Variants in VTI1A observed in about 807,000 individuals in gnomAD.
The protein encoded by VTI1A is vesicle transport through interaction with t-SNAREs homolog 1A.
In VTI1A, 22 loss-of-function variants were observed where a neutral mutation model predicts 34.9. The ratio of observed to expected loss-of-function variants is 0.63; its 90% CI spans 0.45 to 0.90. The LOEUF is 0.90. Ranked by LOEUF, VTI1A falls within the 40% of genes least tolerant of loss-of-function variation. The probability of loss-of-function intolerance (pLI) is 0.00; values close to 1 mark genes in which losing one functional copy is unlikely to be tolerated. For missense variants in VTI1A, 268 were observed against 275.6 expected (o/e 0.97, Z 0.20); for synonymous variants, 87 against 97.3 (o/e 0.89, Z 0.62).
the VTI1A span, among the ~76,000 whole-genome samples, chr10:112,847,617 C>T: frequency 6.6e-6 from 1 of 152,188 alleles, no homozygotes; most frequent in Non-Finnish European, 1.5e-5. Context: ...GCTCTAAAGG[C>T]TACATTCTAC....
intron 7 of VTI1A, among the ~76,000 whole-genome samples, chr10:112,795,952 T>C (rs1473131993): frequency 6.6e-6 from 1 of 152,208 alleles, no homozygotes. Flanking sequence ...CTTCCAGTTC[T>C]TTTTCTTTCT....
chr10:112,460,458 T>G, intron 1 of VTI1A, 66 bp from the exon 2 acceptor site: 2 of 1,420,294 alleles, frequency 1.4e-6, no homozygotes, highest in East Asian at 5.0e-5. Flanking sequence ...ATATAAAAAT[T>G]GAAGTTTTAA....
At chr10:112,787,623 T>A (rs934896732) in intron 7 of VTI1A, among the ~76,000 whole-genome samples, 6 of 152,028 alleles carry the variant, frequency 3.9e-5, no homozygotes, top group Non-Finnish European at 5.9e-5. Context: ...GATTCATGCA[T>A]TCTTTAGAAA....
At chr10:112,458,299 T>C (rs754256425) in intron 1 of VTI1A, among the ~76,000 whole-genome samples, 121 of 152,174 alleles carry the variant, frequency 8.0e-4, no homozygotes, top group Non-Finnish European at 1.6e-3. Flanking sequence ...GATAAGCCTG[T>C]CTTATTTTGT....
chr10:112,612,697 T>C (rs755115375), intron 5 of VTI1A, among the ~76,000 whole-genome samples: 4 of 152,198 alleles, frequency 2.6e-5, no homozygotes, highest in Non-Finnish European at 5.9e-5. Context: ...GCACTGGGAT[T>C]ATAGGCATGA....
chr10:112,704,469 A>T (rs1409931195), intron 7 of VTI1A, among the ~76,000 whole-genome samples: 1 of 152,198 alleles, frequency 6.6e-6, no homozygotes, highest in African/African-American at 2.4e-5. Context: ...TTTCACCAAG[A>T]CATAGGCATT....
At chr10:112,850,090 G>A in the VTI1A span, among the ~76,000 whole-genome samples, 1 of 152,200 alleles carries the variant, frequency 6.6e-6, no homozygotes, top group African/African-American at 2.4e-5. Context: ...TTTATAAAGA[G>A]TTGGGAGGGT....
At position 112,817,130 on chromosome 10, in the gene VTI1A, A is replaced by G. The variant is rs765744567; in HGVS notation, c.*1747A>G. The stretch of plus-strand genomic sequence containing the variant: ...TGACCACATCTAAGAACCATTAAAA[A>G]GCAAGGAAACAAACAAACAACCCTT... On this transcript the variant is annotated 3_prime_UTR_variant, in exon 8 of 8. Coordinates refer to ENST00000393077, the MANE Select transcript of VTI1A (RefSeq NM_145206.4). 6.4e-5 allele frequency: 15 copies of G among 232,734 alleles called. No homozygotes were observed. The highest frequency in any genetic ancestry group is 1.2e-4 in the Non-Finnish European group (14 of 117,760). The allele number at this position is 232,734 out of a possible 1,614,324, so 14.4% of individuals were successfully genotyped here. A position where few individuals can be genotyped will look rare whatever the true frequency, so the allele number is the denominator to read the frequency against.
At chr10:112,581,679 A>T (rs996446226) in intron 5 of VTI1A, among the ~76,000 whole-genome samples, 2 of 152,198 alleles carry the variant, frequency 1.3e-5, no homozygotes, top group Non-Finnish European at 1.5e-5. Context: ...GTTTATAGAG[A>T]TCTATAGATC....
chr10:112,476,064 T>C (rs939647778), intron 3 of VTI1A, among the ~76,000 whole-genome samples: 6 of 152,222 alleles, frequency 3.9e-5, no homozygotes, highest in African/African-American at 1.4e-4. Flanking sequence ...TCCATTCTTT[T>C]GATGTACAGT....
the VTI1A span, among the ~76,000 whole-genome samples, chr10:112,844,869 T>G: frequency 6.6e-6 from 1 of 152,198 alleles, no homozygotes; most frequent in Non-Finnish European, 1.5e-5. Context: ...CTGCGATGAC[T>G]GGACAGTTTT....
intron 3 of VTI1A, among the ~76,000 whole-genome samples, chr10:112,501,441 T>C (rs1302714219): frequency 2.0e-5 from 3 of 152,198 alleles, no homozygotes; most frequent in Non-Finnish European, 4.4e-5. Flanking sequence ...GTAAATTCTT[T>C]GTTAAAATTC....
intron 5 of VTI1A, among the ~76,000 whole-genome samples, chr10:112,544,582 C>T (rs141207234): frequency 4.6e-5 from 7 of 151,722 alleles, no homozygotes; most frequent in African/African-American, 1.5e-4. Flanking sequence ...AGAGTAACGG[C>T]ACCAGCCTGC....
intron 5 of VTI1A, among the ~76,000 whole-genome samples, chr10:112,654,391 T>C (rs1309969677): frequency 6.6e-6 from 1 of 152,228 alleles, no homozygotes; most frequent in African/African-American, 2.4e-5. Flanking sequence ...TTAGATCTTT[T>C]ACCACGCATA....
chr10:112,634,186 A>C (rs1043066196), intron 5 of VTI1A: 2 of 154,588 alleles, frequency 1.3e-5, no homozygotes, highest in East Asian at 3.9e-4. Context: ...GGAACAGTGC[A>C]ATGTTTTCCT....
chr10:112,590,521 C>T (rs1284411583), intron 5 of VTI1A, among the ~76,000 whole-genome samples: 1 of 151,518 alleles, frequency 6.6e-6, no homozygotes, highest in Non-Finnish European at 1.5e-5. Flanking sequence ...GGTGAGACCC[C>T]TTCTTAAAAT....
At chr10:112,805,450 G>T (rs1469559909) in intron 7 of VTI1A, among the ~76,000 whole-genome samples, 7 of 152,212 alleles carry the variant, frequency 4.6e-5, no homozygotes, top group Admixed American at 1.3e-4. Context: ...TTGAGTAGTT[G>T]TGACAGACTG....
At chr10:112,648,519 C>A (rs1846890721) in intron 5 of VTI1A, among the ~76,000 whole-genome samples, 7 of 152,096 alleles carry the variant, frequency 4.6e-5, no homozygotes. Flanking sequence ...TTAGGGTTAA[C>A]CAACAATGAA....
chr10:112,570,933 T>G (rs199780037), intron 5 of VTI1A, among the ~76,000 whole-genome samples: 1 of 152,244 alleles, frequency 6.6e-6, no homozygotes, highest in East Asian at 1.9e-4. Context: ...CATAGATTAT[T>G]TCATTTAATA....
Sources: gnomAD v4.1 joint callset for allele counts (sites outside exome capture counted in the v4.1 genomes callset) on GRCh38, gnomAD v4.1.1 for gene constraint, MANE v1.5 for transcripts, NCBI Gene and HGNC (gene_info 2026-07-23, HGNC 2026-07-21) for gene names.